The following NCOR2 variants were observed in gnomAD, a reference collection of about 807,000 sequenced individuals.
The protein encoded by NCOR2 is nuclear receptor corepressor 2, also known as CTG repeat protein 26.
Under a neutral mutation model 262.9 loss-of-function variants are expected in NCOR2, and 81 were observed. The observed-to-expected ratio is 0.31, with a 90% CI of 0.26 to 0.37. The LOEUF (loss-of-function observed/expected upper bound fraction) is 0.37, where lower values mean the gene tolerates loss of function less well. Ranked by LOEUF, NCOR2 falls within the 10% of genes least tolerant of loss-of-function variation. NCOR2 has a pLI of 1.00. For missense variants in NCOR2, 3,385 were observed against 3,621.4 expected (o/e 0.93, Z 1.68); for synonymous variants, 1,659 against 1,559.3 (o/e 1.06, Z -1.51).
At chr12:124,518,519 G>A (rs780111124) in intron 1 of NCOR2, among the ~76,000 whole-genome samples, 24 of 152,260 alleles carry the variant, frequency 1.6e-4, no homozygotes, top group South Asian at 2.1e-4. Context: ...CGGCTGGGCC[G>A]TGAACGAGAC....
At chr12:124,511,807 C>T (rs1243777929) in intron 1 of NCOR2, among the ~76,000 whole-genome samples, 3 of 152,268 alleles carry the variant, frequency 2.0e-5, no homozygotes, top group African/African-American at 4.8e-5. Flanking sequence ...TACCAACCCC[C>T]GCCAGGGCCA....
At chr12:124,388,041 T>C (rs2660369) in intron 16 of NCOR2, among the ~76,000 whole-genome samples, 10,480 of 63,120 alleles carry the variant, frequency 0.17, 686 homozygotes, top group East Asian at 0.52. Flanking sequence ...ACTCCGATCA[T>C]GGGGGCAGTG....
exon 27 of NCOR2, chr12:124,354,133 G>A (rs1457824712): frequency 6.8e-6 from 11 of 1,610,672 alleles, no homozygotes. Context: ...GCTGTCCGAG[G>A]GCACCCGTGT....
At chr12:124,423,859 T>C (rs1465836436) in intron 11 of NCOR2, among the ~76,000 whole-genome samples, 1 of 152,208 alleles carries the variant, frequency 6.6e-6, no homozygotes, top group Non-Finnish European at 1.5e-5. Context: ...GCTATACCCA[T>C]TTTACAGACG....
intron 1 of NCOR2, among the ~76,000 whole-genome samples, chr12:124,513,013 C>T (rs965606378): frequency 1.3e-5 from 2 of 152,152 alleles, no homozygotes; most frequent in Non-Finnish European, 1.5e-5. Context: ...TCCCACCTCC[C>T]GCTGCTCTCT....
intron 32 of NCOR2, among the ~76,000 whole-genome samples, chr12:124,343,508 G>C (rs1045047660): frequency 3.2e-4 from 49 of 152,228 alleles, no homozygotes; most frequent in African/African-American, 1.2e-3. Flanking sequence ...GGTCACCCCA[G>C]TGAACGAAAC....
At chr12:124,428,750 G>T (rs954642327) in intron 10 of NCOR2, among the ~76,000 whole-genome samples, 2 of 152,194 alleles carry the variant, frequency 1.3e-5, no homozygotes, top group Non-Finnish European at 2.9e-5. Flanking sequence ...AATTAATTTT[G>T]ATTTCAATAG....
chr12:124,358,324 C>T (rs2038178001), intron 22 of NCOR2, among the ~76,000 whole-genome samples: 1 of 142,212 alleles, frequency 7.0e-6, no homozygotes, highest in East Asian at 2.1e-4. Flanking sequence ...TGTGTGAGTG[C>T]ATGGATGTGT....
At chr12:124,392,095 G>A (rs917105806) in intron 16 of NCOR2, among the ~76,000 whole-genome samples, 3 of 152,218 alleles carry the variant, frequency 2.0e-5, no homozygotes, top group South Asian at 4.1e-4. Context: ...CACCAGCCAC[G>A]CCACGTGACG....
chr12:124,385,384 G>T (rs949929447), intron 17 of NCOR2, among the ~76,000 whole-genome samples: 1 of 152,170 alleles, frequency 6.6e-6, no homozygotes, highest in African/African-American at 2.4e-5. Flanking sequence ...TCATTCCAAC[G>T]CGCTGACAGC....
chr12:124,438,852 GAGACAGAGACCCAGAGACAGAGGA>G (rs2044581336), intron 7 of NCOR2, among the ~76,000 whole-genome samples: 2 of 151,390 alleles, frequency 1.3e-5, no homozygotes, highest in African/African-American at 2.5e-5. Context: ...GAGACAGAGG[GAGACAGAGACCCAGAGACAGAGGA>G]AGACAGAGAC....
intron 1 of NCOR2, among the ~76,000 whole-genome samples, chr12:124,529,339 T>C (rs1593994478): frequency 6.7e-6 from 1 of 149,534 alleles, no homozygotes; most frequent in African/African-American, 2.5e-5. Flanking sequence ...CCAGATGTGG[T>C]GGCGCATGCC....
chr12:124,341,498 A>G (rs2036455966), intron 34 of NCOR2, among the ~76,000 whole-genome samples: 1 of 152,130 alleles, frequency 6.6e-6, no homozygotes, highest in African/African-American at 2.4e-5. Flanking sequence ...CGCCCTCCCC[A>G]AGTGCTGGGA....
intron 7 of NCOR2, 130 bp downstream of exon 9, chr12:124,449,685 A>G (rs2045400361): frequency 4.4e-6 from 4 of 904,752 alleles, no homozygotes; most frequent in South Asian, 4.3e-5. Flanking sequence ...CCCCTCCGGG[A>G]GCACCTGGCC....
intron 1 of NCOR2, among the ~76,000 whole-genome samples, chr12:124,532,804 T>A (rs936188467): frequency 2.0e-5 from 3 of 151,890 alleles, no homozygotes; most frequent in African/African-American, 7.3e-5. Context: ...CAAAGCCCCA[T>A]GAGCCTAGGC....
At chr12:124,510,334 G>A (rs2049323399) in intron 1 of NCOR2, among the ~76,000 whole-genome samples, 1 of 152,240 alleles carries the variant, frequency 6.6e-6, no homozygotes, top group South Asian at 2.1e-4. Flanking sequence ...GCAGCGGGAA[G>A]ATGAGCAAAT....
chr12:124,483,791 T>C lies in NCOR2; in HGVS notation c.234-18A>G. ...CCTGGGACCTGCAGGAGGTGAGGCA[T>C]CCAACGTCACATAGGAGATTGCGGC... On this transcript the variant is annotated intron_variant, in intron 2 of 46. Coordinates refer to ENST00000405201, the Ensembl canonical transcript of NCOR2. The surrounding 1 kb of genome is among the most constrained non-coding windows in gnomAD (Gnocchi z 6.3). 3 of 1,579,986 alleles carry C rather than the reference T, an allele frequency of 1.9e-6. No individual in the cohort carries two copies. Among genetic ancestry groups the C allele is most frequent in the Non-Finnish European group, 2.6e-6 (3 of 1,163,112 alleles).
upstream of NCOR2, among the ~76,000 whole-genome samples, chr12:124,497,126 TGTCACA>T (rs2048421295): frequency 6.6e-6 from 1 of 152,240 alleles, no homozygotes; most frequent in Non-Finnish European, 1.5e-5. This position sits in a 1 kb window ranked among gnomAD's most constrained non-coding sequence, Gnocchi z 4.2. Context: ...GCTGGGTTTC[TGTCACA>T]TGCCACCAAG....
chr12:124,560,591 C>T (rs1028626796), intron 1 of NCOR2, among the ~76,000 whole-genome samples: 9 of 152,134 alleles, frequency 5.9e-5, no homozygotes, highest in Non-Finnish European at 8.8e-5. Flanking sequence ...ACTATGACGG[C>T]GAAAATCAAA....
Sources: allele counts gnomAD v4.1 joint callset (sites outside exome capture counted in the v4.1 genomes callset), GRCh38; gene constraint gnomAD v4.1.1; non-coding constraint Gnocchi (gnomAD v3.1); transcripts MANE v1.5; gene names NCBI Gene and HGNC (gene_info 2026-07-23, HGNC 2026-07-21).